Variants in TIAM2 observed in about 807,000 individuals in gnomAD.
The protein encoded by TIAM2 is rho guanine nucleotide exchange factor TIAM2.
TIAM2 carries 80 observed loss-of-function variants against 152.9 expected under a neutral mutation model. The ratio of observed to expected loss-of-function variants is 0.52; its 90% CI spans 0.44 to 0.63. TIAM2 has a LOEUF of 0.63. TIAM2 is among the 30% of genes least tolerant of loss of function. TIAM2 has a pLI of 0.00. For synonymous variants in TIAM2, 804 were observed against 838.0 expected, an observed-to-expected ratio of 0.96 and a Z score of 0.70; for missense variants, 1,965 against 2,120.1, an observed-to-expected ratio of 0.93 and a Z score of 1.44.
intron 13 of TIAM2, 43 bp downstream of exon 13, chr6:155,182,361 A>G: frequency 6.7e-7 from 1 of 1,481,926 alleles, no homozygotes; most frequent in Middle Eastern, 1.9e-4. Context: ...TTAATTTGAA[A>G]CTGTGGGATA....
chr6:155,119,526 G>GA (rs1562322468), intron 2 of TIAM2, among the ~76,000 whole-genome samples: 1 of 151,008 alleles, frequency 6.6e-6, no homozygotes, highest in Non-Finnish European at 1.5e-5. Flanking sequence ...TTTTGGTAGA[G>GA]ATGGGTATCA....
At chr6:155,089,956 GTCCA>G (rs1303398374) in intron 1 of TIAM2, among the ~76,000 whole-genome samples, 4 of 151,998 alleles carry the variant, frequency 2.6e-5, no homozygotes, top group African/African-American at 7.2e-5. Context: ...CAGTCTGTCT[GTCCA>G]TCCATCCATC....
At chr6:155,021,011 T>G (rs1776468664) in intron 1 of TIAM2, among the ~76,000 whole-genome samples, 1 of 152,232 alleles carries the variant, frequency 6.6e-6, no homozygotes, top group African/African-American at 2.4e-5. Context: ...TTATTTTGCT[T>G]AGCGTGATGT....
At chr6:155,209,668 A>G (rs1781676109) in intron 14 of TIAM2, among the ~76,000 whole-genome samples, 1 of 152,228 alleles carries the variant, frequency 6.6e-6, no homozygotes, top group Non-Finnish European at 1.5e-5. Flanking sequence ...ACAGTGAGGT[A>G]TGACCGAGAT....
At chr6:155,215,395 C>T (rs571061050) in intron 15 of TIAM2, among the ~76,000 whole-genome samples, 60 of 152,210 alleles carry the variant, frequency 3.9e-4, no homozygotes, top group African/African-American at 1.4e-3. Context: ...ATAACATCAA[C>T]GAACACAGAA....
intron 9 of TIAM2, among the ~76,000 whole-genome samples, chr6:155,169,846 TCTCA>T (rs1374918254): frequency 1.3e-5 from 2 of 151,724 alleles, no homozygotes; most frequent in African/African-American, 4.8e-5. Context: ...TCAGATGGAG[TCTCA>T]CTCTGTTGCC....
chr6:155,121,563 C>T (rs1219577231), intron 2 of TIAM2, among the ~76,000 whole-genome samples: 1 of 152,166 alleles, frequency 6.6e-6, no homozygotes, highest in East Asian at 1.9e-4. Flanking sequence ...ACGGAGACTC[C>T]TCTCCTTAGT....
chr6:155,013,023 G>A (rs531891675), intron 1 of TIAM2, among the ~76,000 whole-genome samples: 1 of 152,160 alleles, frequency 6.6e-6, no homozygotes, highest in East Asian at 1.9e-4. Context: ...CTCCCATCTC[G>A]TAAGTCTGGC....
intron 1 of TIAM2, among the ~76,000 whole-genome samples, chr6:155,047,695 GAGAGAGAGAGCGAGAGA>G (rs1777218209): frequency 1.3e-5 from 1 of 76,202 alleles, no homozygotes; most frequent in Non-Finnish European, 2.3e-5. Flanking sequence ...AGAGGAGAGA[GAGAGAGAGAGCGAGAGA>G]GAGAGAGAGA....
chr6:155,105,463 T>A (rs1420619806), intron 2 of TIAM2, among the ~76,000 whole-genome samples: 1 of 152,166 alleles, frequency 6.6e-6, no homozygotes, highest in Non-Finnish European at 1.5e-5. Context: ...CTAATTTTTT[T>A]ATTTTTACTT....
intron 1 of TIAM2, among the ~76,000 whole-genome samples, chr6:155,023,330 T>C (rs1176151376): frequency 6.6e-6 from 1 of 152,074 alleles, no homozygotes; most frequent in Non-Finnish European, 1.5e-5. Context: ...ACGAGGGCGG[T>C]TGTTGATGGG....
At chr6:155,141,708 G>A (rs552365191) in intron 5 of TIAM2, among the ~76,000 whole-genome samples, 86 of 152,284 alleles carry the variant, frequency 5.6e-4, no homozygotes, top group African/African-American at 1.9e-3. Flanking sequence ...CCCTCAAAAT[G>A]TGCAACAGAC....
chr6:154,998,129 C>G (rs928683078), intron 1 of TIAM2, among the ~76,000 whole-genome samples: 1 of 152,008 alleles, frequency 6.6e-6, no homozygotes, highest in African/African-American at 2.4e-5. Flanking sequence ...CATGGGTGGG[C>G]GTCAGGGATT....
chr6:155,244,284 G>A (rs1315450524), intron 17 of TIAM2, among the ~76,000 whole-genome samples: 1 of 152,202 alleles, frequency 6.6e-6, no homozygotes, highest in Non-Finnish European at 1.5e-5. Flanking sequence ...TGTTTACAAA[G>A]GCAGAGGGAC....
intron 1 of TIAM2, among the ~76,000 whole-genome samples, chr6:155,002,861 G>A (rs1280981150): frequency 7.3e-6 from 1 of 136,908 alleles, no homozygotes; most frequent in South Asian, 2.5e-4. Flanking sequence ...TTGTGTGTGT[G>A]TGTTTTTTTT....
At chr6:155,182,604 G>A (rs1780933496) in intron 13 of TIAM2, among the ~76,000 whole-genome samples, 1 of 151,996 alleles carries the variant, frequency 6.6e-6, no homozygotes, top group African/African-American at 2.4e-5. Context: ...CCGTAAAAAA[G>A]GACAGAGAGA....
At position 155,232,278 on chromosome 6, in the gene TIAM2, T is replaced by C. The variant is rs548787062; in HGVS notation, c.3169-8252T>C. 6.6e-5 allele frequency among the ~76,000 whole-genome samples: 10 copies of C among 150,766 alleles called. No homozygotes were observed. The East Asian group carries it at 1.4e-3, about 21-fold the overall frequency. ...CGTGCAATTTTTAGTGTTTTTTTTT[T>C]CCCGTTTTCCTAAAGGGAACTTTTC... On this transcript the variant is annotated intron_variant, in intron 15 of 26. Coordinates refer to ENST00000682666, the MANE Select transcript of TIAM2 (RefSeq NM_012454.4).
chr6:155,158,496 T>C (rs1220124547), intron 7 of TIAM2, among the ~76,000 whole-genome samples: 1 of 152,234 alleles, frequency 6.6e-6, no homozygotes, highest in Non-Finnish European at 1.5e-5. Context: ...TTGTCTTTTT[T>C]ATGTTTTGAG....
In TIAM2 at chr6:155,227,817, C is replaced by G. The variant is rs1196228773; in HGVS notation, c.3169-12713C>G. Among the ~76,000 whole-genome samples the G allele has an allele frequency of 9.8e-5, 15 of 152,294 alleles. No individual in the cohort carries two copies. The East Asian group carries it at 2.5e-3, about 25-fold the overall frequency. ...TCCAAAAGCAGGTAGACTGTGACAG[C>G]TGGAGAGAGCCAGCAGAGGATGCAG... On this transcript the variant is annotated intron_variant, in intron 15 of 26. Coordinates refer to ENST00000682666, the MANE Select transcript of TIAM2 (RefSeq NM_012454.4).
Sources: gnomAD v4.1 joint callset for allele counts (sites outside exome capture counted in the v4.1 genomes callset) on GRCh38, gnomAD v4.1.1 for gene constraint, MANE v1.5 for transcripts, NCBI Gene and HGNC (gene_info 2026-07-23, HGNC 2026-07-21) for gene names.